Variants in ZNF100 observed in about 807,000 individuals in gnomAD.
ZNF100 encodes the protein zinc finger protein 100, also known as zinc finger protein 100 (Y1).
Under a neutral mutation model 15.8 loss-of-function variants are expected in ZNF100, and 12 were observed. The observed-to-expected ratio is 0.76, with a 90% CI of 0.49 to 1.23. The LOEUF (loss-of-function observed/expected upper bound fraction) is 1.23. Among genes scored for constraint, ZNF100 ranks in the 50% most tolerant of loss-of-function variants. The pLI, the probability that ZNF100 is intolerant of heterozygous loss-of-function variation, is 0.00. For missense variants in ZNF100, 670 were observed against 635.6 expected (o/e 1.05, Z -0.58); for synonymous variants, 226 against 214.8 (o/e 1.05, Z -0.45).
At position 21,745,743 on chromosome 19, in the gene ZNF100, C is replaced by T. The variant is rs954853360; in HGVS notation, c.97-676G>A. Reference sequence around the variant, plus strand: ...TTCACCTTGTTAGCCAGGATGGTCTCGATCTCCTGACCTCATGATCCACCC... The same window carrying T: ...TTCACCTTGTTAGCCAGGATGGTCTTGATCTCCTGACCTCATGATCCACCC... On this transcript the variant is annotated intron_variant, in intron 2 of 4. Coordinates refer to ENST00000358296, the MANE Select transcript of ZNF100 (RefSeq NM_173531.4). Among the ~76,000 whole-genome samples, 8 of 151,952 alleles carry T rather than the reference C, an allele frequency of 5.3e-5. 1 individual carries two copies. Among genetic ancestry groups the T allele is most frequent in the Non-Finnish European group, 8.8e-5 (6 of 67,982 alleles).
chr19:21,763,214 G>C (rs996406922), intron 2 of ZNF100, among the ~76,000 whole-genome samples: 6 of 152,194 alleles, frequency 3.9e-5, no homozygotes, highest in East Asian at 3.9e-4. Context: ...CTTGATTCTT[G>C]AGTGAAATCC....
chr19:21,758,912 A>G (rs1382087065), intron 2 of ZNF100, among the ~76,000 whole-genome samples: 1 of 152,052 alleles, frequency 6.6e-6, no homozygotes, highest in Non-Finnish European at 1.5e-5. Flanking sequence ...AGAGCCTCCC[A>G]CTCCAAGACA....
At chr19:21,754,997 AAAG>A (rs1568308776) in intron 2 of ZNF100, among the ~76,000 whole-genome samples, 1 of 152,248 alleles carries the variant, frequency 6.6e-6, no homozygotes, top group Non-Finnish European at 1.5e-5. Flanking sequence ...ATACTTCTCA[AAAG>A]AAGACATTTA....
At chr19:21,759,170 G>C (rs775981790) in intron 2 of ZNF100, among the ~76,000 whole-genome samples, 16 of 152,112 alleles carry the variant, frequency 1.1e-4, no homozygotes, top group Non-Finnish European at 2.1e-4. Context: ...AAAAACTGAG[G>C]ACTCCTGCGA....
chr19:21,737,293 A>C, intron 4 of ZNF100, among the ~76,000 whole-genome samples: 1 of 152,062 alleles, frequency 6.6e-6, no homozygotes, highest in Non-Finnish European at 1.5e-5. Context: ...TGGGAGGGTG[A>C]AGTGGGTGGA....
chr19:21,725,897 AT>A lies in ZNF100; in HGVS notation c.*785del, dbSNP rs2035773563. On this transcript the variant is annotated 3_prime_UTR_variant, in exon 5 of 5. Coordinates refer to ENST00000358296, the MANE Select transcript of ZNF100 (RefSeq NM_173531.4). Reference sequence around the variant, plus strand: ...ACTTAATGATTAAAATTTTTAAAAAATTTTTCCTGTATCTGCAAAAATATGT... The same window carrying A: ...ACTTAATGATTAAAATTTTTAAAAAATTTTCCTGTATCTGCAAAAATATGT... 6.6e-6 allele frequency: 1 copy of A among 152,086 alleles called. No individual in the cohort carries two copies. The allele number at this position is 152,086 out of a possible 1,614,324, so 9.4% of individuals were successfully genotyped here.
chr19:21,749,737 A>G (rs1392135945), intron 2 of ZNF100, among the ~76,000 whole-genome samples: 1 of 152,226 alleles, frequency 6.6e-6, no homozygotes, highest in Non-Finnish European at 1.5e-5. Context: ...ACATAACTGT[A>G]GCAGGTCACT....
chr19:21,737,296 T>C (rs2036024928), intron 4 of ZNF100, among the ~76,000 whole-genome samples: 2 of 151,548 alleles, frequency 1.3e-5, no homozygotes, highest in Non-Finnish European at 2.9e-5. Context: ...GAGGGTGAAG[T>C]GGGTGGATCA....
intron 1 of ZNF100, 137 bp from the exon 2 acceptor site, chr19:21,765,923 A>C: frequency 2.6e-6 from 2 of 757,452 alleles, no homozygotes; most frequent in Non-Finnish European, 4.3e-6. Flanking sequence ...CTGAGGACAC[A>C]TCACCCCATA....
Position 21,727,267 on chromosome 19 carries a change from C to A in ZNF100, c.1045G>T (p.Glu349Ter), listed in dbSNP as rs760640271. The A allele has an allele frequency of 1.2e-6, 2 of 1,613,640 alleles. No homozygotes were observed. The highest frequency in any genetic ancestry group is 2.2e-5 in the South Asian group (2 of 91,076). Residue 349 changes from glutamate to a stop codon, truncating the protein, a stop_gained, in exon 5 of 5, where the codon GAA (glutamate) becomes TAA (stop). Coordinates refer to ENST00000358296, the MANE Select transcript of ZNF100 (RefSeq NM_173531.4). LOFTEE classifies it low-confidence loss of function (END_TRUNC). ...HTGEKPYKCE[E>*]CGKAFNQSST... ...GACTGGTTAAAGGCTTTGCCACATT[C>A]TTCACATTTGTAGGGTTTCTCTCCA...
At chr19:21,754,848 G>C (rs10413262) in intron 2 of ZNF100, among the ~76,000 whole-genome samples, 22,556 of 152,094 alleles carry the variant, frequency 0.15, 1,989 homozygotes, top group Non-Finnish European at 0.19. Flanking sequence ...TCATCAGAAT[G>C]AACAGACAAC....
At chr19:21,751,853 G>A in intron 2 of ZNF100, 4 of 772,782 alleles carry the variant, frequency 5.2e-6, no homozygotes, top group Middle Eastern at 2.4e-4. Context: ...TGGAGCAGCT[G>A]TAAGAAGGTC....
chr19:21,740,661 C>A (rs1346021997), intron 4 of ZNF100, among the ~76,000 whole-genome samples: 3 of 152,050 alleles, frequency 2.0e-5, no homozygotes, highest in African/African-American at 7.2e-5. Flanking sequence ...TGAAGACCAG[C>A]CTGACCAAAT....
chr19:21,737,813 G>A (rs1373521302), intron 4 of ZNF100, among the ~76,000 whole-genome samples: 1 of 152,118 alleles, frequency 6.6e-6, no homozygotes, highest in Non-Finnish European at 1.5e-5. Context: ...AGAAGAGCTG[G>A]CACCATTTCT....
chr19:21,746,647 G>C (rs1411814146), intron 2 of ZNF100, among the ~76,000 whole-genome samples: 1 of 151,878 alleles, frequency 6.6e-6, no homozygotes, highest in South Asian at 2.1e-4. Flanking sequence ...GAAGGCTCTA[G>C]TACATAGGAA....
intron 4 of ZNF100, among the ~76,000 whole-genome samples, chr19:21,730,478 GTA>G (rs1491257976): frequency 6.7e-6 from 1 of 149,812 alleles, no homozygotes; most frequent in Non-Finnish European, 1.5e-5. Context: ...GTGTGTGTGT[GTA>G]TCTCACATTA....
chr19:21,743,878 C>G (rs2036164670), intron 4 of ZNF100, 139 bp downstream of exon 4: 1 of 724,118 alleles, frequency 1.4e-6, no homozygotes, highest in Admixed American at 4.1e-5. Flanking sequence ...AAAAAAAGCC[C>G]AAAAAACAAA....
chr19:21,767,441 T>A lies in ZNF100; in HGVS notation c.-12A>T. 6.2e-7 allele frequency: 1 copy of A among 1,614,088 alleles called. No individual in the cohort carries two copies. Among genetic ancestry groups the A allele is most frequent in the Non-Finnish European group, 8.5e-7 (1 of 1,179,974 alleles). On this transcript the variant is annotated 5_prime_UTR_variant, in exon 1 of 5. Transcript: ENST00000358296. ...GGCACTCTCACCATTTCTAGGCTTCTAGGGGGTCCTGGCGTCTTAGCTGTG... is the reference window on the plus strand; with the variant it reads ...GGCACTCTCACCATTTCTAGGCTTCAAGGGGGTCCTGGCGTCTTAGCTGTG...
chr19:21,739,373 T>C (rs1568297826), intron 4 of ZNF100, among the ~76,000 whole-genome samples: 1 of 152,080 alleles, frequency 6.6e-6, no homozygotes, highest in Non-Finnish European at 1.5e-5. Flanking sequence ...GTCAGTAACA[T>C]AGTGAGAGCC....
Sources: allele counts gnomAD v4.1 joint callset (sites outside exome capture counted in the v4.1 genomes callset), GRCh38; gene constraint gnomAD v4.1.1; transcripts MANE v1.5; gene names NCBI Gene and HGNC (gene_info 2026-07-23, HGNC 2026-07-21).